TKFC: variants seen among roughly 807,000 people sequenced by gnomAD.
TKFC encodes the protein triokinase/FMN cyclase.
TKFC carries 46 observed loss-of-function variants against 61.0 expected under a neutral mutation model. The observed-to-expected ratio is 0.75, with a 90% CI of 0.60 to 0.96. The LOEUF (loss-of-function observed/expected upper bound fraction) is 0.96, where lower values mean the gene tolerates loss of function less well. Among genes scored for constraint, TKFC ranks in the 50% least tolerant of loss-of-function variants. The pLI is 0.00. For synonymous variants in TKFC, 314 were observed against 330.1 expected (o/e 0.95, Z 0.53); for missense variants, 715 against 777.5 (o/e 0.92, Z 0.96).
chr11:61,350,986 C>T, downstream of TKFC: 1 of 1,612,408 alleles, frequency 6.2e-7, no homozygotes, highest in Non-Finnish European at 8.5e-7. Flanking sequence ...GACTGGAACC[C>T]ATACCTGTCT....
At chr11:61,333,551 C>T (rs1217967152) in intron 1 of TKFC, 3 of 152,430 alleles carry the variant, frequency 2.0e-5, no homozygotes, top group African/African-American at 7.2e-5. Flanking sequence ...TGTCTCAGTT[C>T]CTCCAGATCC....
chr11:61,339,721 C>T (rs1200035621), intron 5 of TKFC, among the ~76,000 whole-genome samples: 2 of 152,204 alleles, frequency 1.3e-5, no homozygotes, highest in Non-Finnish European at 2.9e-5. Flanking sequence ...CCCCGCCCTC[C>T]TGCTTTGCCT....
downstream of TKFC, chr11:61,351,342 T>G: frequency 1.9e-6 from 1 of 517,442 alleles, no homozygotes; most frequent in African/African-American, 2.2e-5. Context: ...CGGGCTGGAG[T>G]GCAGTGGCAC....
chr11:61,347,560 A>T lies in TKFC; in HGVS notation c.*1057A>T, dbSNP rs982996682. 1.2e-5 allele frequency: 12 copies of T among 964,708 alleles called. No individual in the cohort carries two copies. Among genetic ancestry groups the T allele is most frequent in the African/African-American group, 3.7e-5 (2 of 54,766 alleles). 59.8% of individuals were successfully genotyped at this position (964,708 alleles called of 1,614,324 possible). On this transcript the variant is annotated 3_prime_UTR_variant, in exon 18 of 18. Transcript: ENST00000394900. Reference sequence around the variant, plus strand: ...TCTCAAAAAAAAAAAAAAAAAAAAAAGAAACTGCAGCCAAGCCAGCCCCTA... The same window carrying T: ...TCTCAAAAAAAAAAAAAAAAAAAAATGAAACTGCAGCCAAGCCAGCCCCTA...
In TKFC at chr11:61,347,927, C is replaced by T. The variant is rs1857221444; in HGVS notation, c.*1424C>T. The T allele has an allele frequency of 2.0e-6, 2 of 985,230 alleles. No homozygotes were observed. Among genetic ancestry groups the T allele is most frequent in the South Asian group, 9.4e-5 (2 of 21,292 alleles). The allele number at this position is 985,230 out of a possible 1,614,324, so 61.0% of individuals were successfully genotyped here. A position where few individuals can be genotyped will look rare whatever the true frequency, so the allele number is the denominator to read the frequency against. On this transcript the variant is annotated 3_prime_UTR_variant, in exon 18 of 18. Coordinates refer to ENST00000394900, the MANE Select transcript of TKFC (RefSeq NM_015533.4). ...ACGGTTATCACAGGGGTTGGGCCCC[C>T]AGCCCCTCCCAGGTCATCTGCTCTA...
intron 14 of TKFC, 26 bp downstream of exon 14, chr11:61,345,392 G>T: frequency 6.3e-7 from 1 of 1,598,300 alleles, no homozygotes; most frequent in South Asian, 1.1e-5. Flanking sequence ...CTGAAGGGCT[G>T]ACAGGGAGGT....
rs1456647048 is a variant in TKFC at position 61,342,560 on chromosome 11, G to T, written c.691-14G>T. On this transcript the variant is annotated splice_polypyrimidine_tract_variant and intron_variant, in intron 8 of 17. Transcript: ENST00000394900. ...GCCCCCCAGATGCAGCTCATTCCTG[G>T]CTCCCTCTGACAGATGGCAACCGCC... is the stretch of plus-strand genomic sequence containing the variant. 6.2e-7 allele frequency: 1 copy of T among 1,613,742 alleles called. No homozygotes were observed. The highest frequency in any genetic ancestry group is 8.5e-7 in the Non-Finnish European group (1 of 1,180,040).
chr11:61,346,212 T>A lies in TKFC; in HGVS notation c.1576-139T>A. 3 of 1,526,448 alleles carry A rather than the reference T, an allele frequency of 2.0e-6. No homozygotes were observed. The allele number at this position is 1,526,448 out of a possible 1,614,324, so 94.6% of individuals were successfully genotyped here. A position where few individuals can be genotyped will look rare whatever the true frequency, so the allele number is the denominator to read the frequency against. Reference sequence around the variant, plus strand: ...AGATGAGAAGTGACTTTCCATTTGGTGACAGAGCAGAGGGTGCTGGCAGAG... The same window carrying A: ...AGATGAGAAGTGACTTTCCATTTGGAGACAGAGCAGAGGGTGCTGGCAGAG... On this transcript the variant is annotated intron_variant, in intron 17 of 17. Transcript: ENST00000394900. The surrounding 1 kb of genome is among the most constrained non-coding windows in gnomAD (Gnocchi z 4.1).
chr11:61,348,381 G>T lies in TKFC; in HGVS notation c.*1878G>T. On this transcript the variant is annotated 3_prime_UTR_variant, in exon 18 of 18. Transcript: ENST00000394900. Reference sequence around the variant, plus strand: ...TCATGTGGATCTTTGGTGCCTTCCGGTTGGCCCCTCCCTAGGTCTGTGAGG... The same window carrying T: ...TCATGTGGATCTTTGGTGCCTTCCGTTTGGCCCCTCCCTAGGTCTGTGAGG... The T allele has an allele frequency of 1.0e-6, 1 of 985,214 alleles. No individual in the cohort carries two copies. Among genetic ancestry groups the T allele is most frequent in the Non-Finnish European group, 1.2e-6 (1 of 829,928 alleles). The allele number at this position is 985,214 out of a possible 1,614,324, so 61.0% of individuals were successfully genotyped here. A position where few individuals can be genotyped will look rare whatever the true frequency, so the allele number is the denominator to read the frequency against.
At chr11:61,352,904 G>T (rs1380152198), downstream of TKFC, 5 of 1,610,010 alleles carry the variant, frequency 3.1e-6, no homozygotes, top group African/African-American at 6.7e-5. Context: ...CCTTGGGTGA[G>T]TCCTGTGATC....
rs926652890 is a variant in TKFC, at chr11:61,346,384, A to G, written c.1609A>G (p.Met537Val). 1.9e-6 allele frequency: 3 copies of G among 1,612,766 alleles called. No homozygotes were observed. Among genetic ancestry groups the G allele is most frequent in the East Asian group, 4.5e-5 (2 of 44,880 alleles). The part of the protein sequence containing the change: ...AEAAAEATKN[M>V]EAGAGRASYI... ...AGCTGCAGCCGAGGCCACCAAGAAT[A>G]TGGAAGCTGGAGCCGGAAGAGCCAG... The change falls in exon 18 of 18, where the codon ATG becomes GTG. Residue 537 changes from methionine to valine, a missense_variant. Transcript: ENST00000394900. This position sits in a 1 kb window ranked among gnomAD's most constrained non-coding sequence, Gnocchi z 4.1.
In TKFC at chr11:61,343,454, GAT is replaced by G; in HGVS notation, c.980_981del (p.Ile327ArgfsTer3). 1 of 1,613,854 alleles carries G rather than the reference GAT, an allele frequency of 6.2e-7. No individual in the cohort carries two copies. The highest frequency in any genetic ancestry group is 1.1e-5 in the South Asian group (1 of 91,084). ...TGGTGGATGAGCCTCTCCTGAAACT[GAT>G]AGGTGAGACTTGGAACCTGGGGTCA... ...LLVDEPLLKL[I>X]DAETTAAAWP... is the part of the protein sequence containing the mutation. On this transcript the variant is annotated frameshift_variant and splice_region_variant, in exon 11 of 18. Coordinates refer to ENST00000394900, the MANE Select transcript of TKFC (RefSeq NM_015533.4). LOFTEE classifies it high-confidence loss of function.
chr11:61,353,301 G>C, downstream of TKFC: 1 of 891,604 alleles, frequency 1.1e-6, no homozygotes, highest in Non-Finnish European at 1.7e-6. Flanking sequence ...CCTCATTGTG[G>C]CCTATTACCC....
In TKFC at chr11:61,348,471, T is replaced by C. The variant is rs1054369415; in HGVS notation, c.*1968T>C. ...CTCATTTAACCACAGCATCATTTCA[T>C]TAGAGGGCTGTTATTAGAGACTGAA... On this transcript the variant is annotated 3_prime_UTR_variant, in exon 18 of 18. Transcript: ENST00000394900. The C allele has an allele frequency of 1.0e-6, 1 of 985,388 alleles. No homozygotes were observed. Among genetic ancestry groups the C allele is most frequent in the African/African-American group, 1.7e-5 (1 of 57,236 alleles). 61.0% of individuals were successfully genotyped at this position (985,388 alleles called of 1,614,324 possible). A position where few individuals can be genotyped will look rare whatever the true frequency, so the allele number is the denominator to read the frequency against.
Position 61,348,768 on chromosome 11 carries a change from A to G in TKFC, c.*2265A>G, listed in dbSNP as rs940121038. ...ACTTGTTGTTTAAGCCACCCAGGCT[A>G]TTATATTTTTGTTATAGCAGCCTGA... On this transcript the variant is annotated 3_prime_UTR_variant, in exon 18 of 18. Coordinates refer to ENST00000394900, the MANE Select transcript of TKFC (RefSeq NM_015533.4). The G allele has an allele frequency of 6.6e-6, 1 of 152,544 alleles. No homozygotes were observed. Among genetic ancestry groups the G allele is most frequent in the African/African-American group, 2.4e-5 (1 of 41,464 alleles). 9.4% of individuals were successfully genotyped at this position (152,544 alleles called of 1,614,324 possible). A position where few individuals can be genotyped will look rare whatever the true frequency, so the allele number is the denominator to read the frequency against.
intron 2 of TKFC, chr11:61,335,235 C>G (rs1856557362): frequency 6.2e-6 from 1 of 161,956 alleles, no homozygotes; most frequent in Non-Finnish European, 1.4e-5. Context: ...CTGCCACTGA[C>G]CAGCTGCATG....
chr11:61,345,706 T>A lies in TKFC; in HGVS notation c.1452-6T>A. 4 of 1,614,254 alleles carry A rather than the reference T, an allele frequency of 2.5e-6. No individual in the cohort carries two copies. Among genetic ancestry groups the A allele is most frequent in the Non-Finnish European group, 2.5e-6 (3 of 1,180,032 alleles). ...GTGAGCCTCTTTCACTCTCTTTCCCTGCCAGGTATGGCAAGGCTGCTCCAG... is the reference window on the plus strand; with the variant it reads ...GTGAGCCTCTTTCACTCTCTTTCCCAGCCAGGTATGGCAAGGCTGCTCCAG... On this transcript the variant is annotated splice_region_variant and splice_polypyrimidine_tract_variant and intron_variant, in intron 15 of 17. Coordinates refer to ENST00000394900, the MANE Select transcript of TKFC (RefSeq NM_015533.4).
Position 61,345,833 on chromosome 11 carries a change from C to A in TKFC, c.1486-24C>A, listed in dbSNP as rs755054969. The A allele has an allele frequency of 4.3e-6, 7 of 1,613,982 alleles. No homozygotes were observed. The East Asian group carries it at 1.3e-4, about 31-fold the overall frequency. ...CCTCGGTTGCAGGGCCCGTGCTCAG[C>A]CCCCTTTCCTTCACCTTGTCCAGCT... On this transcript the variant is annotated intron_variant, in intron 16 of 17. Transcript: ENST00000394900.
chr11:61,350,919 C>G (rs1236224922), downstream of TKFC: 1 of 1,527,856 alleles, frequency 6.5e-7, no homozygotes, highest in Middle Eastern at 2.3e-4. Context: ...GTCAAGGCCC[C>G]AGCCTTTCGT....
Sources: allele counts gnomAD v4.1 joint callset (sites outside exome capture counted in the v4.1 genomes callset), GRCh38; gene constraint gnomAD v4.1.1; non-coding constraint Gnocchi (gnomAD v3.1); transcripts MANE v1.5; gene names NCBI Gene and HGNC (gene_info 2026-07-23, HGNC 2026-07-21).